Variants in TCF20 observed in about 807,000 individuals in gnomAD.
TCF20 encodes the protein transcription factor 20.
Under a neutral mutation model 148.6 loss-of-function variants are expected in TCF20, and 3 were observed. The ratio of observed to expected loss-of-function variants is 0.02; its 90% CI spans 0.01 to 0.05. TCF20 has a LOEUF of 0.05. Among genes scored for constraint, TCF20 ranks in the 10% least tolerant of loss-of-function variants. The pLI is 1.00. For synonymous variants in TCF20, 1,049 were observed against 909.5 expected, an observed-to-expected ratio of 1.15 and a Z score of -2.76; for missense variants, 2,350 against 2,429.3, an observed-to-expected ratio of 0.97 and a Z score of 0.69.
intron 1 of TCF20, among the ~76,000 whole-genome samples, chr22:42,306,120 G>T (rs934209025): frequency 6.6e-6 from 1 of 152,258 alleles, no homozygotes; most frequent in Admixed American, 6.5e-5. Context: ...TGGCTGCTGC[G>T]GCCTCGCCAC....
chr22:42,208,796 G>A (rs1938567050), intron 2 of TCF20, among the ~76,000 whole-genome samples: 1 of 152,096 alleles, frequency 6.6e-6, no homozygotes, highest in African/African-American at 2.4e-5. Context: ...AGAAAATAGA[G>A]GGAAGGAAAT....
At chr22:42,182,164 A>T (rs1936810543) in intron 2 of TCF20, among the ~76,000 whole-genome samples, 1 of 152,206 alleles carries the variant, frequency 6.6e-6, no homozygotes, top group East Asian at 1.9e-4. Flanking sequence ...CTGCTGTAGA[A>T]GGGTTAAGTA....
chr22:42,169,760 G>C, intron 4 of TCF20, 87 bp downstream of exon 4: 1 of 1,390,750 alleles, frequency 7.2e-7, no homozygotes, highest in Non-Finnish European at 1.0e-6. Flanking sequence ...TGTGGGTGAG[G>C]CCCACCAACA....
chr22:42,187,812 C>T (rs1166892548), intron 2 of TCF20, among the ~76,000 whole-genome samples: 2 of 152,144 alleles, frequency 1.3e-5, no homozygotes, highest in Non-Finnish European at 2.9e-5. Flanking sequence ...AGAAATTAGC[C>T]ACAATCTTGA....
intron 1 of TCF20, among the ~76,000 whole-genome samples, chr22:42,220,380 T>C (rs931451730): frequency 6.6e-6 from 1 of 152,188 alleles, no homozygotes; most frequent in Admixed American, 6.5e-5. Context: ...TTCTTAAAAA[T>C]AGAGACAGAG....
At chr22:42,270,833 A>G (rs1269871998), upstream of TCF20, among the ~76,000 whole-genome samples, 1 of 148,408 alleles carries the variant, frequency 6.7e-6, no homozygotes. Flanking sequence ...CCGGGTAGGG[A>G]TCGCGAAGAC....
At chr22:42,201,784 C>A (rs546659693) in intron 2 of TCF20, among the ~76,000 whole-genome samples, 13 of 151,942 alleles carry the variant, frequency 8.6e-5, no homozygotes, top group South Asian at 2.1e-4. Context: ...AAAACAAAAC[C>A]AAACCAAAAA....
At chr22:42,248,492 G>A (rs1925102824) in intron 1 of TCF20, among the ~76,000 whole-genome samples, 1 of 152,002 alleles carries the variant, frequency 6.6e-6, no homozygotes, top group Non-Finnish European at 1.5e-5. Flanking sequence ...ACTGGGTAAG[G>A]GATCTGTAAA....
chr22:42,200,582 C>T (rs930216131), intron 2 of TCF20, among the ~76,000 whole-genome samples: 5 of 142,826 alleles, frequency 3.5e-5, no homozygotes, highest in African/African-American at 1.3e-4. Context: ...GTGGAGGTTG[C>T]AGTGAGCCGA....
chr22:42,264,393 T>TA (rs1476983732), intron 1 of TCF20, among the ~76,000 whole-genome samples: 15 of 152,108 alleles, frequency 9.9e-5, no homozygotes, highest in Non-Finnish European at 1.8e-4. Flanking sequence ...GATGATTTTT[T>TA]AAAAAAAGCA....
intron 1 of TCF20, among the ~76,000 whole-genome samples, chr22:42,343,154 C>A (rs1160143966): frequency 6.6e-6 from 1 of 152,182 alleles, no homozygotes; most frequent in Non-Finnish European, 1.5e-5. Flanking sequence ...TAGAGTCAAG[C>A]GGCCCCAGGG....
At chr22:42,198,986 G>C (rs1904635382) in intron 2 of TCF20, among the ~76,000 whole-genome samples, 1 of 152,000 alleles carries the variant, frequency 6.6e-6, no homozygotes, top group Non-Finnish European at 1.5e-5. Flanking sequence ...TTTCCAATCT[G>C]CTGTTGATTG....
intron 1 of TCF20, among the ~76,000 whole-genome samples, chr22:42,242,550 G>A (rs1171063840): frequency 6.6e-6 from 1 of 152,116 alleles, no homozygotes; most frequent in East Asian, 1.9e-4. Flanking sequence ...CACGTGAGGA[G>A]CTCAAAGTCA....
chr22:42,177,052 G>C (rs957001912), intron 3 of TCF20, among the ~76,000 whole-genome samples: 1 of 152,058 alleles, frequency 6.6e-6, no homozygotes, highest in Non-Finnish European at 1.5e-5. Context: ...AATTACCTAG[G>C]TCTGATCATT....
chr22:42,308,291 G>T (rs1927471355), intron 1 of TCF20, among the ~76,000 whole-genome samples: 1 of 152,126 alleles, frequency 6.6e-6, no homozygotes, highest in South Asian at 2.1e-4. Flanking sequence ...GAGAGCTCGA[G>T]GAGGAAAATG....
rs572045102 is a variant in TCF20, at chr22:42,279,637, G to A, written c.-37+4190C>T. ...GTGACTGCGCTTCTCAGTGCCACAA[G>A]TGCTGTTGCCATCATTCCAGCCTCA... On this transcript the variant is annotated intron_variant, in intron 1 of 5. Coordinates refer to the TCF20 transcript ENST00000359486. This position sits in a 1 kb window ranked among gnomAD's most constrained non-coding sequence, Gnocchi z 4.3. Among the ~76,000 whole-genome samples, 2 of 152,318 alleles carry A rather than the reference G, an allele frequency of 1.3e-5. No homozygotes were observed. The highest frequency in any genetic ancestry group is 6.5e-5 in the Admixed American group (1 of 15,304).
chr22:42,243,292 CAAAAAAAAAAAAAAAAAAAAAAAA>C (rs3045578), intron 1 of TCF20, among the ~76,000 whole-genome samples: 1 of 39,478 alleles, frequency 2.5e-5, no homozygotes, highest in African/African-American at 8.5e-5. Context: ...GACACTGTCT[CAAAAAAAAAAAAAAAAAAAAAAAA>C]AAAAAGTCAG....
In TCF20 at chr22:42,160,320, A is replaced by C. The variant is rs1214909029; in HGVS notation, c.*1083T>G. ...TATAAAAATGAAAGCAAAAAGAAAA[A>C]GGGGTTAAATGGGTGTTCCTGGTCA... On this transcript the variant is annotated 3_prime_UTR_variant, in exon 6 of 6. Coordinates refer to ENST00000677622, the MANE Select transcript of TCF20 (RefSeq NM_001378418.1). 6.6e-6 allele frequency: 1 copy of C among 152,630 alleles called. No individual in the cohort carries two copies. The highest frequency in any genetic ancestry group is 2.4e-5 in the African/African-American group (1 of 41,434). 9.5% of individuals were successfully genotyped at this position (152,630 alleles called of 1,614,324 possible).
chr22:42,233,891 T>C lies in TCF20; in HGVS notation c.-36-18550A>G, dbSNP rs144538334. On this transcript the variant is annotated intron_variant, in intron 1 of 5. Coordinates refer to ENST00000677622, the MANE Select transcript of TCF20 (RefSeq NM_001378418.1). ...GTGGCTTTACATAATAAATCCCACT[T>C]CTGAAGAATAAAAGCTACCTAACTT... Among the ~76,000 whole-genome samples, 26 of 152,316 alleles carry C rather than the reference T, an allele frequency of 1.7e-4. 1 individual carries two copies. The highest frequency in any genetic ancestry group is 1.4e-3 in the Admixed American group (21 of 15,302).
Sources: allele counts gnomAD v4.1 joint callset (sites outside exome capture counted in the v4.1 genomes callset), GRCh38; gene constraint gnomAD v4.1.1; non-coding constraint Gnocchi (gnomAD v3.1); transcripts MANE v1.5; gene names NCBI Gene and HGNC (gene_info 2026-07-23, HGNC 2026-07-21).